MRPL30: variants seen among roughly 807,000 people sequenced by gnomAD.
The protein encoded by MRPL30 is large ribosomal subunit protein uL30m.
A neutral mutation model predicts 17.2 loss-of-function variants in MRPL30; 10 were observed. The observed-to-expected ratio is 0.58, with a 90% CI of 0.36 to 0.99. MRPL30 has a LOEUF of 0.99. Ranked by LOEUF, MRPL30 falls within the 50% of genes least tolerant of loss-of-function variation. The pLI is 0.01. For synonymous variants in MRPL30, 61 were observed against 62.1 expected (o/e 0.98, Z 0.08); for missense variants, 170 against 189.8 (o/e 0.90, Z 0.61).
intron 1 of MRPL30, chr2:99,185,846 G>A (rs2093933039): frequency 4.8e-6 from 2 of 419,414 alleles, no homozygotes; most frequent in Admixed American, 6.0e-5. Context: ...GTCCCTTCTA[G>A]CTCTTTAATT....
At chr2:99,182,875 A>G (rs1346269001) in intron 1 of MRPL30, among the ~76,000 whole-genome samples, 1 of 152,244 alleles carries the variant, frequency 6.6e-6, no homozygotes, top group Non-Finnish European at 1.5e-5. Flanking sequence ...TTCCTATGGA[A>G]TTAGCGTGCT....
At chr2:99,185,475 A>G (rs947201467) in intron 1 of MRPL30, among the ~76,000 whole-genome samples, 9 of 152,198 alleles carry the variant, frequency 5.9e-5, no homozygotes, top group African/African-American at 1.9e-4. Flanking sequence ...CGAGATATAC[A>G]TGTAGTTCAT....
intron 1 of MRPL30, among the ~76,000 whole-genome samples, chr2:99,181,768 CT>C (rs1162674580): frequency 6.6e-6 from 1 of 152,030 alleles, no homozygotes; most frequent in African/African-American, 2.4e-5. Flanking sequence ...TTGTTCTGCC[CT>C]TTTTGCCAAG....
rs75461865 is a variant in MRPL30 at position 99,199,141 on chromosome 2, A to T, written c.*3436A>T. 5.8e-3 allele frequency among the ~76,000 whole-genome samples: 887 copies of T among 152,276 alleles called. 5 individuals are homozygous for T. The highest frequency in any genetic ancestry group is 0.02 in the African/African-American group (843 of 41,550). ...ATTGTCTTGTTTTTCTCAAAATGGG[A>T]TAATTTTGCTTAACATAAGTAGTAT... On this transcript the variant is annotated 3_prime_UTR_variant, in exon 6 of 6. Coordinates refer to ENST00000338148, the MANE Select transcript of MRPL30 (RefSeq NM_145212.4).
chr2:99,193,630 T>C (rs1437130751), intron 3 of MRPL30, among the ~76,000 whole-genome samples: 5 of 152,202 alleles, frequency 3.3e-5, no homozygotes, highest in Admixed American at 3.3e-4. Context: ...GGACATTTCT[T>C]TTTGGTTTTT....
intron 1 of MRPL30, among the ~76,000 whole-genome samples, chr2:99,184,616 T>C (rs892655810): frequency 6.6e-6 from 1 of 152,204 alleles, no homozygotes; most frequent in African/African-American, 2.4e-5. Context: ...ACAAAAAAGA[T>C]ATTAGGGGAA....
chr2:99,193,168 T>C (rs1471979707), intron 3 of MRPL30, among the ~76,000 whole-genome samples: 1 of 152,056 alleles, frequency 6.6e-6, no homozygotes, highest in Admixed American at 6.5e-5. Context: ...GCAAAGGAAA[T>C]GAACAGACAC....
rs1431294078 is a variant in MRPL30, at chr2:99,196,334, T to G, written c.*629T>G. On this transcript the variant is annotated 3_prime_UTR_variant, in exon 6 of 6. Transcript: ENST00000338148. ...TGTTGTTTTTGAGACAGGGTCTTGC[T>G]CTGTCACCCAAGCTGGAATACAGTG... The G allele has an allele frequency of 6.6e-6, 1 of 152,532 alleles. No individual in the cohort carries two copies. The highest frequency in any genetic ancestry group is 1.5e-5 in the Non-Finnish European group (1 of 68,336). 9.4% of individuals were successfully genotyped at this position (152,532 alleles called of 1,614,324 possible).
chr2:99,189,310 T>G (rs186559902), intron 3 of MRPL30, among the ~76,000 whole-genome samples: 1 of 152,324 alleles, frequency 6.6e-6, no homozygotes, highest in East Asian at 1.9e-4. Flanking sequence ...CCTTCCCAAC[T>G]CCTAACCCCT....
At chr2:99,194,282 A>G (rs539358302) in intron 3 of MRPL30, among the ~76,000 whole-genome samples, 1 of 152,298 alleles carries the variant, frequency 6.6e-6, no homozygotes, top group East Asian at 1.9e-4. Context: ...TAATTAATTC[A>G]AGTATTAGCT....
At chr2:99,194,653 G>T (rs892596933) in intron 3 of MRPL30, 98 bp from the exon 4 acceptor site, 12 of 1,003,656 alleles carry the variant, frequency 1.2e-5, no homozygotes, top group Non-Finnish European at 1.8e-5. Flanking sequence ...AGGTAATTAT[G>T]TAGTTGTGTA....
Position 99,195,681 on chromosome 2 carries a change from G to A in MRPL30, c.462G>A (p.Val154=). ...ELVVQWHLKP[V]EQKAHES Reference sequence around the variant, plus strand: ...TAGTGCAGTGGCATCTGAAACCTGTGGAGCAGAAAGCACATGAGTCCTAAT... The same window carrying A: ...TAGTGCAGTGGCATCTGAAACCTGTAGAGCAGAAAGCACATGAGTCCTAAT... Residue 154 remains valine, a synonymous_variant, in exon 6 of 6, where the codon GTG becomes GTA. Coordinates refer to ENST00000338148, the MANE Select transcript of MRPL30 (RefSeq NM_145212.4). The A allele has an allele frequency of 1.2e-6, 2 of 1,613,182 alleles. No individual in the cohort carries two copies. Among genetic ancestry groups the A allele is most frequent in the Non-Finnish European group, 1.7e-6 (2 of 1,179,752 alleles).
intron 1 of MRPL30, among the ~76,000 whole-genome samples, chr2:99,183,568 CA>C (rs35487170): frequency 9.6e-4 from 126 of 131,644 alleles, no homozygotes; most frequent in African/African-American, 1.8e-3. Context: ...GACTCTGTCT[CA>C]AAAAAAAAAA....
chr2:99,185,279 T>G (rs537975960), intron 1 of MRPL30, among the ~76,000 whole-genome samples: 2 of 152,324 alleles, frequency 1.3e-5, no homozygotes, highest in East Asian at 1.9e-4. Context: ...GGTTGGGGAC[T>G]GCAGTTTTAA....
intron 3 of MRPL30, among the ~76,000 whole-genome samples, chr2:99,192,282 A>AT (rs1326701417): frequency 1.3e-5 from 2 of 150,948 alleles, no homozygotes; most frequent in South Asian, 2.1e-4. Flanking sequence ...CACTGTATAC[A>AT]TTTTTTTTTA....
At chr2:99,186,296 T>C in intron 2 of MRPL30, 42 bp downstream of exon 2, 12 of 1,576,256 alleles carry the variant, frequency 7.6e-6, no homozygotes, top group East Asian at 2.2e-5. Context: ...CTACCCCTTA[T>C]GAATTTTTTT....
intron 3 of MRPL30, among the ~76,000 whole-genome samples, chr2:99,189,869 C>T (rs1165376996): frequency 6.6e-6 from 1 of 151,614 alleles, no homozygotes; most frequent in Non-Finnish European, 1.5e-5. Flanking sequence ...CATCCATCTC[C>T]AGAACTCTTT....
rs912507523 is a variant in MRPL30 at position 99,198,884 on chromosome 2, C to T, written c.*3179C>T. On this transcript the variant is annotated 3_prime_UTR_variant, in exon 6 of 6. Coordinates refer to ENST00000338148, the MANE Select transcript of MRPL30 (RefSeq NM_145212.4). ...ACTACCTTTAAGGACGACTGCAGTT[C>T]TCTTAGGGTCTCCTCAATCTAAAAT... is the stretch of plus-strand genomic sequence containing the variant. Among the ~76,000 whole-genome samples, 1 of 152,142 alleles carries T rather than the reference C, an allele frequency of 6.6e-6. No homozygotes were observed. Among genetic ancestry groups the T allele is most frequent in the African/African-American group, 2.4e-5 (1 of 41,436 alleles).
chr2:99,191,621 A>C (rs781291521), intron 3 of MRPL30, among the ~76,000 whole-genome samples: 12 of 152,010 alleles, frequency 7.9e-5, no homozygotes, highest in Non-Finnish European at 1.0e-4. Flanking sequence ...TGTTACAGCT[A>C]CTGTAGTTCA....
Sources: gnomAD v4.1 joint callset for allele counts (sites outside exome capture counted in the v4.1 genomes callset) on GRCh38, gnomAD v4.1.1 for gene constraint, MANE v1.5 for transcripts, NCBI Gene and HGNC (gene_info 2026-07-23, HGNC 2026-07-21) for gene names.